The following UBE3B variants were observed in gnomAD, a reference collection of about 807,000 sequenced individuals.
The protein encoded by UBE3B is ubiquitin-protein ligase E3B.
UBE3B carries 80 observed loss-of-function variants against 132.3 expected under a neutral mutation model. The ratio of observed to expected loss-of-function variants is 0.60; its 90% CI spans 0.50 to 0.73. The LOEUF (loss-of-function observed/expected upper bound fraction) is 0.73, where lower values mean the gene tolerates loss of function less well. Ranked by LOEUF, UBE3B falls within the 30% of genes least tolerant of loss-of-function variation. The pLI, the probability that UBE3B is intolerant of heterozygous loss-of-function variation, is 0.00. For synonymous variants in UBE3B, 487 were observed against 520.4 expected (o/e 0.94, Z 0.87); for missense variants, 1,196 against 1,362.5 (o/e 0.88, Z 1.92).
chr12:109,510,454 C>G lies in UBE3B; in HGVS notation c.1852C>G (p.Arg618Gly). ...CTTCACCCCCGAGGACCACTGGCTG[C>G]GAAAGTGAGCTCCAGGGGTGAGGAG... Reference protein sequence around the residue: ...RRFTPEDHWLRKDLKPSVLFQ... With the variant: ...RRFTPEDHWLGKDLKPSVLFQ... Residue 618 changes from arginine (R) to glycine (G), a missense_variant, in exon 17 of 28, where the codon CGA becomes GGA. By Grantham distance (125) the Arg-to-Gly change is moderately radical. Coordinates refer to ENST00000342494, the MANE Select transcript of UBE3B (RefSeq NM_130466.4). 1 of 1,609,180 alleles carries G rather than the reference C, an allele frequency of 6.2e-7. No individual in the cohort carries two copies. Among genetic ancestry groups the G allele is most frequent in the Non-Finnish European group, 8.5e-7 (1 of 1,178,030 alleles).
Position 109,507,551 on chromosome 12 carries a change from G to A in UBE3B, c.1451-13G>A, listed in dbSNP as rs192723804. On this transcript the variant is annotated splice_polypyrimidine_tract_variant and intron_variant, in intron 14 of 27. Transcript: ENST00000342494. Reference sequence around the variant, plus strand: ...CTCCACCTGAAGCTTGGGTTTCTCTGTGTTTTTTCCAGGTCTCACTTACCT... The same window carrying A: ...CTCCACCTGAAGCTTGGGTTTCTCTATGTTTTTTCCAGGTCTCACTTACCT... The A allele has an allele frequency of 2.0e-4, 326 of 1,608,300 alleles. 1 individual carries two copies. The African/African-American group carries it at 3.8e-3, about 19-fold the overall frequency.
intron 13 of UBE3B, among the ~76,000 whole-genome samples, chr12:109,502,194 G>A (rs1414128417): frequency 1.3e-5 from 2 of 152,130 alleles, no homozygotes; most frequent in Non-Finnish European, 2.9e-5. Context: ...TTCAGAAACC[G>A]ACATGAAAAG....
chr12:109,523,202 A>C (rs1381909181), intron 21 of UBE3B, among the ~76,000 whole-genome samples: 1 of 152,142 alleles, frequency 6.6e-6, no homozygotes, highest in Admixed American at 6.5e-5. Flanking sequence ...TCTCCAGTCC[A>C]CATGTCTCTC....
In UBE3B at chr12:109,491,127, GGTGA is replaced by G. The variant is rs767796122; in HGVS notation, c.713+3_713+6del. The G allele has an allele frequency of 5.6e-6, 9 of 1,613,732 alleles. No individual in the cohort carries two copies. The highest frequency in any genetic ancestry group is 1.7e-4 in the Middle Eastern group (1 of 6,058). On this transcript the variant is annotated splice_donor_variant and splice_donor_region_variant and intron_variant, in intron 9 of 27. Coordinates refer to ENST00000342494, the MANE Select transcript of UBE3B (RefSeq NM_130466.4). LOFTEE classifies it high-confidence loss of function. Reference sequence around the variant, plus strand: ...ACAGCAGCTTTTTCTCTAGCGTTACGGTGAGTAAGAAACCATAGCTGAGGTGTTG... The same window carrying G: ...ACAGCAGCTTTTTCTCTAGCGTTACGGTAAGAAACCATAGCTGAGGTGTTG...
intron 21 of UBE3B, among the ~76,000 whole-genome samples, chr12:109,523,564 G>T (rs1032059093): frequency 5.3e-5 from 8 of 152,328 alleles, no homozygotes; most frequent in Middle Eastern, 3.4e-3. Context: ...TCTGCCTTTG[G>T]GGGAGAGCTT....
chr12:109,496,025 A>G (rs958968578), intron 9 of UBE3B, among the ~76,000 whole-genome samples: 1 of 152,200 alleles, frequency 6.6e-6, no homozygotes, highest in Non-Finnish European at 1.5e-5. Flanking sequence ...ATAATATTTT[A>G]TCACCCTGAA....
the UBE3B span, among the ~76,000 whole-genome samples, chr12:109,543,384 G>A: frequency 6.6e-6 from 1 of 151,616 alleles, no homozygotes; most frequent in East Asian, 1.9e-4. Context: ...GTCAGCGGCT[G>A]GTAACACAGC....
rs147126682 is a variant in UBE3B at position 109,503,054 on chromosome 12, A to G, written c.1314A>G (p.Ala438=). The G allele has an allele frequency of 6.9e-5, 112 of 1,614,048 alleles. No homozygotes were observed. The highest frequency in any genetic ancestry group is 1.4e-4 in the South Asian group (13 of 91,078). ...SLLKRAFQKS[A]SVRNILRPVG... Reference sequence around the variant, plus strand: ...TAAAGCGTGCTTTTCAAAAGTCGGCATCAGTCCGGAATATTCTCAGGCCTG... The same window carrying G: ...TAAAGCGTGCTTTTCAAAAGTCGGCGTCAGTCCGGAATATTCTCAGGCCTG... Residue 438 remains alanine, a synonymous_variant, in exon 14 of 28, where the codon GCA becomes GCG. Coordinates refer to ENST00000342494, the MANE Select transcript of UBE3B (RefSeq NM_130466.4).
rs1160361343 is a variant in UBE3B at position 109,511,458 on chromosome 12, A to G, written c.1956+155A>G. 4.3e-6 allele frequency: 3 copies of G among 691,384 alleles called. No homozygotes were observed. The East Asian group carries it at 8.4e-5, about 19-fold the overall frequency. The allele number at this position is 691,384 out of a possible 1,614,324, so 42.8% of individuals were successfully genotyped here. On this transcript the variant is annotated intron_variant, in intron 18 of 27. Transcript: ENST00000342494. Reference sequence around the variant, plus strand: ...GTTGCTATTACTTTGGTGAGGTTACACCCAGTGCTGGGGTACAGAGCTGGA... The same window carrying G: ...GTTGCTATTACTTTGGTGAGGTTACGCCCAGTGCTGGGGTACAGAGCTGGA...
chr12:109,493,054 A>G (rs961329057), intron 9 of UBE3B, among the ~76,000 whole-genome samples: 1 of 152,240 alleles, frequency 6.6e-6, no homozygotes, highest in African/African-American at 2.4e-5. Context: ...CGGTTATGCT[A>G]TCATTAGTTA....
chr12:109,488,418 G>A (rs910932934), intron 6 of UBE3B, among the ~76,000 whole-genome samples, 154 bp from the exon 7 acceptor site: 4 of 152,132 alleles, frequency 2.6e-5, no homozygotes, highest in Non-Finnish European at 5.9e-5. Context: ...CTCCTGGAGT[G>A]GTCATTGCCC....
At chr12:109,545,727 T>C in the UBE3B span, among the ~76,000 whole-genome samples, 5 of 152,164 alleles carry the variant, frequency 3.3e-5, no homozygotes, top group Admixed American at 6.5e-5. Context: ...GCCCGCTGCC[T>C]CCACTGCTTG....
intron 8 of UBE3B, chr12:109,490,484 C>G: frequency 6.5e-7 from 1 of 1,535,856 alleles, no homozygotes; most frequent in African/African-American, 1.4e-5. Flanking sequence ...CCTTCCTTCT[C>G]CCTAGTGCTG....
intron 19 of UBE3B, among the ~76,000 whole-genome samples, chr12:109,519,298 A>G (rs1345693175): frequency 1.3e-5 from 2 of 152,204 alleles, no homozygotes; most frequent in Non-Finnish European, 2.9e-5. Context: ...AGTGAAGAAG[A>G]GGAACGCTGA....
intron 18 of UBE3B, among the ~76,000 whole-genome samples, chr12:109,516,386 AG>A (rs1297835351): frequency 6.6e-6 from 1 of 151,948 alleles, no homozygotes; most frequent in Non-Finnish European, 1.5e-5. Context: ...CATGTTGGCC[AG>A]GCTGGTTTTG....
At chr12:109,504,011 T>C (rs1008956586) in intron 14 of UBE3B, among the ~76,000 whole-genome samples, 1 of 152,250 alleles carries the variant, frequency 6.6e-6, no homozygotes, top group African/African-American at 2.4e-5. Flanking sequence ...AAGTTCTTCG[T>C]TCTCAAGGGG....
intron 19 of UBE3B, 33 bp downstream of exon 19, chr12:109,516,917 G>A (rs1187272856): frequency 3.1e-6 from 5 of 1,604,656 alleles, no homozygotes; most frequent in Non-Finnish European, 4.3e-6. Context: ...CCTACCACAA[G>A]GAAGTGGGCC....
chr12:109,530,003 T>C lies in UBE3B; in HGVS notation c.2741T>C (p.Met914Thr), dbSNP rs765037011. 1 of 1,614,090 alleles carries C rather than the reference T, an allele frequency of 6.2e-7. No homozygotes were observed. Among genetic ancestry groups the C allele is most frequent in the Admixed American group, 1.7e-5 (1 of 60,006 alleles). ...ATTATCAAACCCGAGTGGATCCGAA[T>C]GTTCTCAACTCCTGAACTGCAGCGT... ...RSIIKPEWIR[M>T]FSTPELQRLI... Residue 914 changes from methionine to threonine, a missense_variant, in exon 25 of 28, where the codon ATG (methionine) becomes ACG (threonine). By Grantham distance (81) the Met-to-Thr change is moderately conservative. Coordinates refer to ENST00000342494, the MANE Select transcript of UBE3B (RefSeq NM_130466.4).
intron 9 of UBE3B, chr12:109,492,574 C>G (rs968176755): frequency 1.3e-5 from 2 of 152,084 alleles, no homozygotes; most frequent in African/African-American, 4.8e-5. Context: ...CAAACCTTGT[C>G]TCTACAAAAA....
Sources: allele counts gnomAD v4.1 joint callset (sites outside exome capture counted in the v4.1 genomes callset), GRCh38; gene constraint gnomAD v4.1.1; transcripts MANE v1.5; gene names NCBI Gene and HGNC (gene_info 2026-07-23, HGNC 2026-07-21).